SERHL2: variants seen among roughly 807,000 people sequenced by gnomAD.
SERHL2 encodes the protein serine hydrolase like 2.
A neutral mutation model predicts 25.5 loss-of-function variants in SERHL2; 29 were observed. That is an observed-to-expected ratio of 1.14 (90% CI 0.85 to 1.55). The LOEUF (loss-of-function observed/expected upper bound fraction) is 1.55, where lower values mean the gene tolerates loss of function less well. Ranked by LOEUF, SERHL2 falls within the 40% of genes most tolerant of loss-of-function variation. SERHL2 has a pLI of 0.00. For synonymous variants in SERHL2, 95 were observed against 103.5 expected, an observed-to-expected ratio of 0.92 and a Z score of 0.50; for missense variants, 240 against 252.3, an observed-to-expected ratio of 0.95 and a Z score of 0.33.
In SERHL2 at chr22:42,563,085, T is replaced by C. The variant is rs374715578; in HGVS notation, c.613+2820T>C. On this transcript the variant is annotated intron_variant, in intron 8 of 11. Coordinates refer to ENST00000327678, the MANE Select transcript of SERHL2 (RefSeq NM_014509.5). Reference sequence around the variant, plus strand: ...TGGCACACCTGTGGTCCCAGCTACTTAGGAGGCTGAAGTGGGAGACTCACA... The same window carrying C: ...TGGCACACCTGTGGTCCCAGCTACTCAGGAGGCTGAAGTGGGAGACTCACA... Among the ~76,000 whole-genome samples the C allele has an allele frequency of 2.6e-5, 4 of 151,860 alleles. No homozygotes were observed. The East Asian group carries it at 5.8e-4, about 22-fold the overall frequency.
intron 1 of SERHL2, among the ~76,000 whole-genome samples, 184 bp downstream of exon 1, chr22:42,554,226 G>A: frequency 6.6e-6 from 1 of 152,152 alleles, no homozygotes; most frequent in South Asian, 2.1e-4. Flanking sequence ...CCCGGGACAC[G>A]GCCGCACGTG....
rs537794328 is a variant in SERHL2, at chr22:42,560,101, C to T, written c.534-85C>T. On this transcript the variant is annotated intron_variant, in intron 7 of 11. Coordinates refer to ENST00000327678, the MANE Select transcript of SERHL2 (RefSeq NM_014509.5). The stretch of plus-strand genomic sequence containing the variant: ...TGCTGGGATTACAGGCATGAGCCAC[C>T]GTCCCCCCCGGCCCTCCTCTCCTTT... 3.7e-4 allele frequency: 367 copies of T among 990,248 alleles called. 9 individuals carry two copies. The South Asian group carries it at 4.4e-3, about 12-fold the overall frequency. The allele number at this position is 990,248 out of a possible 1,614,324, so 61.3% of individuals were successfully genotyped here.
chr22:42,572,369 G>C, intron 10 of SERHL2, 67 bp from the exon 11 acceptor site: 1 of 1,205,478 alleles, frequency 8.3e-7, no homozygotes, highest in Non-Finnish European at 1.2e-6. Flanking sequence ...CCCAGGGCAG[G>C]ATGGGGGCAC....
At chr22:42,568,685 G>A (rs1923741767) in intron 9 of SERHL2, among the ~76,000 whole-genome samples, 1 of 151,878 alleles carries the variant, frequency 6.6e-6, no homozygotes, top group African/African-American at 2.4e-5. Flanking sequence ...TAAGTTTTAA[G>A]TTTCTGCAGT....
chr22:42,571,635 A>C (rs1924209377), intron 10 of SERHL2: 1 of 234,522 alleles, frequency 4.3e-6, no homozygotes, highest in Admixed American at 5.3e-5. Context: ...CATGTTGGCC[A>C]GGCTGCTCTC....
In SERHL2 at chr22:42,565,843, G is replaced by A. The variant is rs557851599; in HGVS notation, c.614-461G>A. Among the ~76,000 whole-genome samples, 10 of 151,818 alleles carry A rather than the reference G, an allele frequency of 6.6e-5. No homozygotes were observed. The South Asian group carries it at 2.1e-3, about 32-fold the overall frequency. ...CTTGTTGGTATATCATATATGTATG[G>A]TTTTTTAGTGGTTTTTGTTTGATTT... On this transcript the variant is annotated intron_variant, in intron 8 of 11. Coordinates refer to ENST00000327678, the MANE Select transcript of SERHL2 (RefSeq NM_014509.5).
intron 3 of SERHL2, 146 bp downstream of exon 3, chr22:42,555,491 CG>C: frequency 1.2e-5 from 1 of 81,680 alleles, no homozygotes; most frequent in African/African-American, 4.7e-4. Flanking sequence ...CAGCAATTCA[CG>C]GGAGATCTTG....
chr22:42,564,188 A>G (rs771244697), intron 8 of SERHL2, among the ~76,000 whole-genome samples: 3 of 151,806 alleles, frequency 2.0e-5, no homozygotes, highest in Non-Finnish European at 4.4e-5. Flanking sequence ...TAGCATTTAA[A>G]TATTTACTAC....
chr22:42,553,961 G>A lies in SERHL2; in HGVS notation c.-60G>A, dbSNP rs1014568390. On this transcript the variant is annotated 5_prime_UTR_variant, in exon 1 of 12. Transcript: ENST00000327678. ...GGCCCGGAATTGCGGGCGTCACTCTGCTCCTGCGACCTAGCCAGGCGTGAG... is the reference window on the plus strand; with the variant it reads ...GGCCCGGAATTGCGGGCGTCACTCTACTCCTGCGACCTAGCCAGGCGTGAG... 2 of 1,605,032 alleles carry A rather than the reference G, an allele frequency of 1.2e-6. No homozygotes were observed. The highest frequency in any genetic ancestry group is 1.7e-6 in the Non-Finnish European group (2 of 1,173,556).
chr22:42,561,982 A>C (rs1224449064), intron 8 of SERHL2, among the ~76,000 whole-genome samples: 1 of 151,624 alleles, frequency 6.6e-6, no homozygotes, highest in Non-Finnish European at 1.5e-5. Flanking sequence ...GGAAACAGTG[A>C]ATGCAGGATG....
intron 8 of SERHL2, among the ~76,000 whole-genome samples, chr22:42,561,632 G>A (rs778789324): frequency 1.3e-5 from 2 of 151,780 alleles, no homozygotes; most frequent in Non-Finnish European, 2.9e-5. Context: ...CGTGTGGCCA[G>A]AATTACCAGT....
chr22:42,567,123 T>C (rs1923494718), intron 9 of SERHL2, among the ~76,000 whole-genome samples: 1 of 152,154 alleles, frequency 6.6e-6, no homozygotes, highest in African/African-American at 2.4e-5. Flanking sequence ...TTGTGATTGT[T>C]AAAATATGGT....
chr22:42,566,942 G>C (rs1251025927), intron 9 of SERHL2, among the ~76,000 whole-genome samples: 1 of 152,120 alleles, frequency 6.6e-6, no homozygotes, highest in Non-Finnish European at 1.5e-5. Context: ...GTTGTCTCAC[G>C]TGCAAAAAGA....
chr22:42,569,837 ATTTG>A (rs781164482), intron 9 of SERHL2: 5 of 118,812 alleles, frequency 4.2e-5, no homozygotes, highest in South Asian at 2.5e-4. Flanking sequence ...GTTCATAGCA[ATTTG>A]TGTGTGTGTG....
chr22:42,567,712 T>C (rs1428246416), intron 9 of SERHL2, among the ~76,000 whole-genome samples: 1 of 147,162 alleles, frequency 6.8e-6, no homozygotes, highest in Non-Finnish European at 1.5e-5. Flanking sequence ...AGTTCGATTT[T>C]TCTTTAATTT....
chr22:42,570,622 G>A (rs1924033525), intron 9 of SERHL2, among the ~76,000 whole-genome samples: 1 of 150,742 alleles, frequency 6.6e-6, no homozygotes, highest in South Asian at 2.1e-4. Flanking sequence ...AGGGCTGGCA[G>A]GGCCGCGGAG....
intron 8 of SERHL2, among the ~76,000 whole-genome samples, chr22:42,565,878 G>C (rs921289028): frequency 1.3e-5 from 2 of 151,768 alleles, no homozygotes; most frequent in East Asian, 1.9e-4. Flanking sequence ...TTTTGAGACA[G>C]AGTCTTGCTC....
At chr22:42,564,971 T>C (rs62239718) in intron 8 of SERHL2, 24,010 of 137,870 alleles carry the variant, frequency 0.17, 3,340 homozygotes, top group East Asian at 0.62. Context: ...CGCGCGCGTG[T>C]GTGTGTGTGT....
intron 9 of SERHL2, among the ~76,000 whole-genome samples, chr22:42,568,842 T>C (rs1432721230): frequency 1.3e-5 from 2 of 151,804 alleles, no homozygotes. Flanking sequence ...GGCACACACC[T>C]GTAGTCCCAG....
Sources: gnomAD v4.1 joint callset for allele counts (sites outside exome capture counted in the v4.1 genomes callset) on GRCh38, gnomAD v4.1.1 for gene constraint, MANE v1.5 for transcripts, NCBI Gene and HGNC (gene_info 2026-07-23, HGNC 2026-07-21) for gene names.